ZNF329: variants seen among roughly 807,000 people sequenced by gnomAD.
The protein encoded by ZNF329 is zinc finger protein 329.
A neutral mutation model predicts 26.6 loss-of-function variants in ZNF329; 15 were observed. The observed-to-expected ratio is 0.56, with a 90% confidence interval of 0.38 to 0.87. ZNF329 has a LOEUF of 0.87. ZNF329 is among the 40% of genes least tolerant of loss of function. The probability of loss-of-function intolerance (pLI) is 0.00; values close to 1 mark genes in which losing one functional copy is unlikely to be tolerated. For missense variants in ZNF329, 651 were observed against 651.9 expected (o/e 1.00, Z 0.02); for synonymous variants, 239 against 233.5 (o/e 1.02, Z -0.21).
At chr19:58,140,561 C>G (rs890072020) in intron 3 of ZNF329, among the ~76,000 whole-genome samples, 1 of 151,678 alleles carries the variant, frequency 6.6e-6, no homozygotes, top group Non-Finnish European at 1.5e-5. Flanking sequence ...TACAGGTGCC[C>G]GCCACCACAC....
chr19:58,152,424 C>CAAA (rs35940938), upstream of ZNF329, among the ~76,000 whole-genome samples: 3 of 118,170 alleles, frequency 2.5e-5, no homozygotes, highest in Non-Finnish European at 3.5e-5. Context: ...TACTCGGTCT[C>CAAA]AAAAAAAAAA....
chr19:58,141,845 A>G (rs1345712802), intron 3 of ZNF329, among the ~76,000 whole-genome samples: 2 of 151,594 alleles, frequency 1.3e-5, no homozygotes, highest in Admixed American at 6.6e-5. Context: ...GTGAGCCGAG[A>G]TCATGCCATT....
chr19:58,140,110 C>G (rs2075151805), intron 3 of ZNF329, among the ~76,000 whole-genome samples: 1 of 152,076 alleles, frequency 6.6e-6, no homozygotes, highest in African/African-American at 2.4e-5. Flanking sequence ...ATGCAGCCTA[C>G]CAGGAGGGGT....
chr19:58,128,737 TCTC>T lies in ZNF329; in HGVS notation c.764_766del (p.Gly255del). The T allele has an allele frequency of 6.2e-7, 1 of 1,606,924 alleles. No individual in the cohort carries two copies. The highest frequency in any genetic ancestry group is 8.5e-7 in the Non-Finnish European group (1 of 1,176,824). On this transcript the variant is annotated inframe_deletion, in exon 4 of 4. Transcript: ENST00000598312. ...ACATTTACTGCATTCATAGGGCTTCTCTCCTGTGTGGATTCTTTGATGCACAAT... is the reference window on the plus strand; with the variant it reads ...ACATTTACTGCATTCATAGGGCTTCTCTGTGTGGATTCTTTGATGCACAAT...
In ZNF329 at chr19:58,132,875, C is replaced by T. The variant is rs188706125; in HGVS notation, c.-8-3364G>A. Among the ~76,000 whole-genome samples the T allele has an allele frequency of 4.6e-3, 702 of 151,670 alleles. 3 individuals are homozygous for T. Among genetic ancestry groups the T allele is most frequent in the Non-Finnish European group, 7.2e-3 (486 of 67,906 alleles). On this transcript the variant is annotated intron_variant, in intron 3 of 3. Transcript: ENST00000598312. ...TCACCCAGGCTGGAGTGCAGTGGTGCGATCTCAGCTCACAGCAAGCTCCGC... is the reference window on the plus strand; with the variant it reads ...TCACCCAGGCTGGAGTGCAGTGGTGTGATCTCAGCTCACAGCAAGCTCCGC...
At position 58,129,164 on chromosome 19, in the gene ZNF329, A is replaced by G; in HGVS notation, c.340T>C (p.Tyr114His). The G allele has an allele frequency of 6.2e-7, 1 of 1,614,176 alleles. No individual in the cohort carries two copies. ...CTGTCACCAGTTCTCTTATCTGCAT[A>G]ACTTTTAGGATAGCTGGGTAAGGCG... ...DPALPSYPKSYADKRTGDSDA... is the reference protein window; with the variant it reads ...DPALPSYPKSHADKRTGDSDA... The change falls in exon 4 of 4, where the codon TAT becomes CAT. Residue 114 changes from tyrosine (Y) to histidine (H), a missense_variant. Physicochemically the swap from Tyr to His is moderately conservative, Grantham distance 83. Transcript: ENST00000598312.
intron 1 of ZNF329, among the ~76,000 whole-genome samples, chr19:58,150,490 G>A (rs554719099): frequency 2.7e-4 from 41 of 152,384 alleles, no homozygotes; most frequent in African/African-American, 9.1e-4. Context: ...GAAAGAGCGG[G>A]GGCGTCCAGA....
chr19:58,130,008 G>A (rs2074901445), intron 3 of ZNF329, among the ~76,000 whole-genome samples: 4 of 152,162 alleles, frequency 2.6e-5, no homozygotes. Context: ...TAAAAGTTCT[G>A]GGTCTAAGTC....
rs553002909 is a variant in ZNF329, at chr19:58,137,286, G to C, written c.-9+5271C>G. Among the ~76,000 whole-genome samples the C allele has an allele frequency of 2.6e-5, 4 of 152,220 alleles. No individual in the cohort carries two copies. In the East Asian group the frequency reaches 7.7e-4, roughly 29 times the overall value. ...ATCACAGCAGAGGCTGGGCACGGCG[G>C]CTCACACCTATAATCCCAGCACTTT... is the stretch of plus-strand genomic sequence containing the variant. On this transcript the variant is annotated intron_variant, in intron 3 of 3. Coordinates refer to ENST00000598312, the MANE Select transcript of ZNF329 (RefSeq NM_024620.4).
At chr19:58,141,574 C>T (rs1479161481) in intron 3 of ZNF329, among the ~76,000 whole-genome samples, 1 of 152,072 alleles carries the variant, frequency 6.6e-6, no homozygotes, top group East Asian at 2.0e-4. Context: ...CGATTACAGG[C>T]ATAAGCCACT....
Position 58,129,259 on chromosome 19 carries a change from G to C in ZNF329, c.245C>G (p.Ser82Cys), listed in dbSNP as rs1294061176. 2 of 1,614,230 alleles carry C rather than the reference G, an allele frequency of 1.2e-6. No individual in the cohort carries two copies. The highest frequency in any genetic ancestry group is 2.2e-5 in the East Asian group (1 of 44,882). ...ACCATTTGTTGCCAGAACTCTCTGAGACGGTGGAAGGTCTGAGCTTGCAAT... is the reference window on the plus strand; with the variant it reads ...ACCATTTGTTGCCAGAACTCTCTGACACGGTGGAAGGTCTGAGCTTGCAAT... ...HLIASSDLPP[S>C]QRVLATNGFH... The change falls in exon 4 of 4, where the codon TCT becomes TGT. Residue 82 changes from serine (S) to cysteine (C), a missense_variant. Transcript: ENST00000598312.
chr19:58,147,283 CCG>C, intron 1 of ZNF329, among the ~76,000 whole-genome samples: 1 of 151,192 alleles, frequency 6.6e-6, no homozygotes, highest in East Asian at 2.0e-4. Context: ...GGCAACCGCC[CCG>C]TCTGAGAAGT....
intron 1 of ZNF329, among the ~76,000 whole-genome samples, chr19:58,148,927 T>G (rs1440169144): frequency 6.6e-6 from 1 of 152,172 alleles, no homozygotes; most frequent in African/African-American, 2.4e-5. Flanking sequence ...AAAGCAAACC[T>G]CCATCTTAAA....
Position 58,127,840 on chromosome 19 carries a change from G to C in ZNF329, c.*38C>G. The C allele has an allele frequency of 6.5e-7, 1 of 1,536,210 alleles. No homozygotes were observed. Among genetic ancestry groups the C allele is most frequent in the Non-Finnish European group, 8.8e-7 (1 of 1,138,268 alleles). ...TAAGACACGCCTCCTAAACACAGGA[G>C]TGAGAGTGAACTGGAAGACTCATGT... On this transcript the variant is annotated 3_prime_UTR_variant, in exon 4 of 4. Transcript: ENST00000598312.
upstream of ZNF329, among the ~76,000 whole-genome samples, chr19:58,151,753 A>G (rs2075458805): frequency 2.0e-5 from 3 of 152,246 alleles, no homozygotes; most frequent in Admixed American, 1.3e-4. Flanking sequence ...AGATTGATAC[A>G]TAAGTAGTAA....
At chr19:58,154,022 G>T (rs1484014546), upstream of ZNF329, among the ~76,000 whole-genome samples, 81 of 131,592 alleles carry the variant, frequency 6.2e-4, 1 homozygote, top group Non-Finnish European at 6.2e-4. Context: ...TTTTTTTTTT[G>T]AGACAGTCTT....
intron 3 of ZNF329, among the ~76,000 whole-genome samples, chr19:58,133,312 G>A (rs2074989584): frequency 6.6e-6 from 1 of 152,242 alleles, no homozygotes; most frequent in Non-Finnish European, 1.5e-5. Context: ...GAGGCTGGAT[G>A]TGGTGGCTCA....
rs1397278036 is a variant in ZNF329, at chr19:58,129,438, T to A, written c.66A>T (p.Glu22Asp). The change falls in exon 4 of 4, where the codon GAA becomes GAT. Residue 22 changes from glutamate to aspartate, a missense_variant. Coordinates refer to ENST00000598312, the MANE Select transcript of ZNF329 (RefSeq NM_024620.4). Reference sequence around the variant, plus strand: ...AGCAGGGAACTTCCCTTGTGAATCTTTCCACTTCTACATCACAGGGTACTT... The same window carrying A: ...AGCAGGGAACTTCCCTTGTGAATCTATCCACTTCTACATCACAGGGTACTT... ...EREVPCDVEV[E>D]RFTREVPCLS... The A allele has an allele frequency of 6.2e-7, 1 of 1,614,104 alleles. No homozygotes were observed. The highest frequency in any genetic ancestry group is 8.5e-7 in the Non-Finnish European group (1 of 1,180,008).
chr19:58,141,543 C>T (rs931344993), intron 3 of ZNF329, among the ~76,000 whole-genome samples: 2 of 152,138 alleles, frequency 1.3e-5, no homozygotes, highest in East Asian at 3.9e-4. Flanking sequence ...GATCAGCCTG[C>T]CTTGGCCTCC....
Sources: allele counts gnomAD v4.1 joint callset (sites outside exome capture counted in the v4.1 genomes callset), GRCh38; gene constraint gnomAD v4.1.1; transcripts MANE v1.5; gene names NCBI Gene and HGNC (gene_info 2026-07-23, HGNC 2026-07-21).